SIL1: variants seen among roughly 807,000 people sequenced by gnomAD.
The protein encoded by SIL1 is SIL1 nucleotide exchange factor.
Under a neutral mutation model 49.1 loss-of-function variants are expected in SIL1, and 40 were observed. The ratio of observed to expected loss-of-function variants is 0.81; its 90% CI spans 0.63 to 1.06. The LOEUF is 1.06. Among genes scored for constraint, SIL1 ranks in the 50% least tolerant of loss-of-function variants. SIL1 has a pLI of 0.00. For missense variants in SIL1, 500 were observed against 572.6 expected, an observed-to-expected ratio of 0.87 and a Z score of 1.29; for synonymous variants, 253 against 250.8, an observed-to-expected ratio of 1.01 and a Z score of -0.08.
At chr5:139,150,863 C>T (rs1272341832) in intron 1 of SIL1, among the ~76,000 whole-genome samples, 1 of 152,118 alleles carries the variant, frequency 6.6e-6, no homozygotes, top group Non-Finnish European at 1.5e-5. Context: ...ATATCCCAGG[C>T]AAGGCAAGCT....
intron 1 of SIL1, among the ~76,000 whole-genome samples, chr5:139,153,846 A>C (rs1751355104): frequency 6.6e-6 from 1 of 152,190 alleles, no homozygotes; most frequent in East Asian, 1.9e-4. Flanking sequence ...CATTTTTCCC[A>C]GTGCTCCTCT....
At chr5:138,989,074 A>G (rs1431464285) in intron 7 of SIL1, among the ~76,000 whole-genome samples, 1 of 152,226 alleles carries the variant, frequency 6.6e-6, no homozygotes, top group Non-Finnish European at 1.5e-5. Context: ...CGGTGGAAGG[A>G]CACAGTGGAG....
intron 3 of SIL1, among the ~76,000 whole-genome samples, chr5:139,110,027 G>C (rs2151787207): frequency 6.6e-6 from 1 of 152,120 alleles, no homozygotes; most frequent in South Asian, 2.1e-4. Flanking sequence ...AAATTAGCCA[G>C]GCATGGTGGC....
intron 3 of SIL1, among the ~76,000 whole-genome samples, chr5:139,078,045 A>G (rs1000962543): frequency 5.3e-5 from 8 of 152,194 alleles, no homozygotes; most frequent in Admixed American, 2.6e-4. Flanking sequence ...CTTGTGCAAT[A>G]TGGATGTATT....
chr5:139,071,670 T>A (rs1464777196), intron 3 of SIL1, among the ~76,000 whole-genome samples: 2 of 148,328 alleles, frequency 1.3e-5, no homozygotes, highest in Non-Finnish European at 3.0e-5. Context: ...ATTAGCATTT[T>A]TTTTTTTTTT....
At chr5:138,951,559 G>A (rs1028279179) in intron 8 of SIL1, among the ~76,000 whole-genome samples, 2 of 152,254 alleles carry the variant, frequency 1.3e-5, no homozygotes, top group Non-Finnish European at 2.9e-5. Context: ...CCAAGGGTGG[G>A]AGGCCAGGAG....
chr5:139,148,488 G>T (rs1209982177), intron 1 of SIL1, among the ~76,000 whole-genome samples: 2 of 152,188 alleles, frequency 1.3e-5, no homozygotes, highest in South Asian at 2.1e-4. Context: ...CACCAAACCA[G>T]ATTTGCTGTA....
intron 7 of SIL1, among the ~76,000 whole-genome samples, chr5:138,990,964 C>T (rs1767744390): frequency 6.6e-6 from 1 of 152,238 alleles, no homozygotes; most frequent in African/African-American, 2.4e-5. Context: ...GATCCGCCTG[C>T]CTCAGCTTCC....
chr5:138,947,248 C>A lies in SIL1; in HGVS notation c.1255G>T (p.Gly419Cys), dbSNP rs398124389. 1.9e-6 allele frequency: 3 copies of A among 1,613,392 alleles called. No individual in the cohort carries two copies. The highest frequency in any genetic ancestry group is 2.7e-5 in the African/African-American group (2 of 74,906). Reference sequence around the variant, plus strand: ...GCCTGCAGGCTGGCCAGTGTCCTGCCGAGCTGGGGGTCCTGACGGTAGCGG... The same window carrying A: ...GCCTGCAGGCTGGCCAGTGTCCTGCAGAGCTGGGGGTCCTGACGGTAGCGG... Reference protein sequence around the residue: ...RDRYRQDPQLGRTLASLQAEY... With the variant: ...RDRYRQDPQLCRTLASLQAEY... Residue 419 changes from glycine (G) to cysteine (C), a missense_variant, in exon 10 of 10, where the codon GGC (glycine) becomes TGC (cysteine). Physicochemically the swap from Gly to Cys is radical, Grantham distance 159. Coordinates refer to ENST00000394817, the MANE Select transcript of SIL1 (RefSeq NM_022464.5). This position sits in a 1 kb window ranked among gnomAD's most constrained non-coding sequence, Gnocchi z 4.1.
At chr5:139,141,402 T>C (rs1461229291) in intron 1 of SIL1, among the ~76,000 whole-genome samples, 1 of 151,938 alleles carries the variant, frequency 6.6e-6, no homozygotes, top group African/African-American at 2.4e-5. Context: ...TCCCAGCACT[T>C]TGGGAGGCCT....
intron 3 of SIL1, among the ~76,000 whole-genome samples, chr5:139,086,270 T>TAA (rs756341363): frequency 5.5e-4 from 53 of 96,640 alleles, no homozygotes; most frequent in African/African-American, 1.0e-3. Context: ...GAGACCGTCT[T>TAA]AAAAAAAAAA....
intron 3 of SIL1, among the ~76,000 whole-genome samples, chr5:139,120,146 G>A (rs1251135435): frequency 6.6e-6 from 1 of 152,250 alleles, no homozygotes; most frequent in East Asian, 1.9e-4. Flanking sequence ...AGGACATGGT[G>A]ATGAATATCA....
chr5:139,112,277 A>G (rs1770869915), intron 3 of SIL1, among the ~76,000 whole-genome samples: 1 of 152,048 alleles, frequency 6.6e-6, no homozygotes. Context: ...CCCGTCCGAG[A>G]AGTGAGGAGC....
chr5:139,127,818 G>A lies in SIL1; in HGVS notation c.26C>T (p.Ser9Phe). Residue 9 changes from serine to phenylalanine, a missense_variant, in exon 2 of 10, where the codon TCT (serine) becomes TTT (phenylalanine). By Grantham distance (155) the Ser-to-Phe change is radical. Transcript: ENST00000394817. ...CAGCATGCCCAGAGGAGCCATCCTAGATGAAGGCAGGCTCTGGGGAGCCAT... is the reference window on the plus strand; with the variant it reads ...CAGCATGCCCAGAGGAGCCATCCTAAATGAAGGCAGGCTCTGGGGAGCCAT... MAPQSLPS[S>F]RMAPLGMLLG... 6.2e-7 allele frequency: 1 copy of A among 1,607,438 alleles called. No homozygotes were observed. Among genetic ancestry groups the A allele is most frequent in the Non-Finnish European group, 8.5e-7 (1 of 1,177,496 alleles).
intron 7 of SIL1, among the ~76,000 whole-genome samples, chr5:138,992,094 G>C (rs968940265): frequency 6.6e-6 from 1 of 152,208 alleles, no homozygotes; most frequent in Non-Finnish European, 1.5e-5. Context: ...GTGCAGAACG[G>C]ATGTACTGAG....
At chr5:139,065,247 AG>A (rs769878232) in intron 3 of SIL1, among the ~76,000 whole-genome samples, 2 of 152,158 alleles carry the variant, frequency 1.3e-5, no homozygotes, top group African/African-American at 4.8e-5. Flanking sequence ...CACCCACTAC[AG>A]CTTTCCTTGG....
chr5:139,095,016 G>C, intron 3 of SIL1, among the ~76,000 whole-genome samples: 1 of 152,144 alleles, frequency 6.6e-6, no homozygotes, highest in Non-Finnish European at 1.5e-5. Context: ...CAAAGGTAAA[G>C]TGTCCCTTTG....
chr5:139,190,370 T>G (rs546979521), intron 1 of SIL1, among the ~76,000 whole-genome samples: 20 of 152,302 alleles, frequency 1.3e-4, no homozygotes, highest in African/African-American at 4.8e-4. Flanking sequence ...CATTTCGACA[T>G]GAGTAGGAGG....
intron 3 of SIL1, among the ~76,000 whole-genome samples, chr5:139,065,876 C>G (rs1483131499): frequency 1.3e-5 from 2 of 152,204 alleles, no homozygotes; most frequent in African/African-American, 4.8e-5. Flanking sequence ...CAGATTCAGG[C>G]CCTACTGACT....
Sources: allele counts gnomAD v4.1 joint callset (sites outside exome capture counted in the v4.1 genomes callset), GRCh38; gene constraint gnomAD v4.1.1; non-coding constraint Gnocchi (gnomAD v3.1); transcripts MANE v1.5; gene names NCBI Gene and HGNC (gene_info 2026-07-23, HGNC 2026-07-21).